The following TACR1 variants were observed in gnomAD, a reference collection of about 807,000 sequenced individuals.
TACR1 encodes the protein substance-P receptor.
Under a neutral mutation model 35.8 loss-of-function variants are expected in TACR1, and 25 were observed. That is an observed-to-expected ratio of 0.70 (90% CI 0.51 to 0.98). TACR1 has a LOEUF of 0.98. Among genes scored for constraint, TACR1 ranks in the 50% least tolerant of loss-of-function variants. The probability of loss-of-function intolerance (pLI) is 0.00; values close to 1 mark genes in which losing one functional copy is unlikely to be tolerated. For synonymous variants in TACR1, 195 were observed against 206.7 expected, an observed-to-expected ratio of 0.94 and a Z score of 0.48; for missense variants, 478 against 522.9, an observed-to-expected ratio of 0.91 and a Z score of 0.84.
At chr2:75,182,582 G>A (rs978132233) in intron 1 of TACR1, among the ~76,000 whole-genome samples, 1 of 152,186 alleles carries the variant, frequency 6.6e-6, no homozygotes, top group Non-Finnish European at 1.5e-5. Context: ...GATTGTTATT[G>A]CCTAGTGATG....
intron 1 of TACR1, among the ~76,000 whole-genome samples, chr2:75,175,132 G>T (rs1268298145): frequency 6.6e-6 from 1 of 152,172 alleles, no homozygotes; most frequent in Non-Finnish European, 1.5e-5. Flanking sequence ...CTTCTAGATG[G>T]TGAGTACTTC....
chr2:75,158,835 T>G (rs1260337102), intron 1 of TACR1, among the ~76,000 whole-genome samples: 2 of 152,186 alleles, frequency 1.3e-5, no homozygotes, highest in African/African-American at 4.8e-5. Context: ...TGTTCCGAAC[T>G]CAAACGGTCC....
At chr2:75,096,956 A>G (rs554776152) in intron 2 of TACR1, among the ~76,000 whole-genome samples, 39 of 152,320 alleles carry the variant, frequency 2.6e-4, no homozygotes, top group South Asian at 6.2e-4. Flanking sequence ...GTCAACCCCT[A>G]TCTCTCTTGT....
intron 1 of TACR1, among the ~76,000 whole-genome samples, chr2:75,145,343 C>G (rs899665501): frequency 1.8e-4 from 27 of 151,816 alleles, no homozygotes; most frequent in Admixed American, 7.9e-4. Context: ...TGGTAATGAC[C>G]ATTATTATTA....
intron 1 of TACR1, among the ~76,000 whole-genome samples, chr2:75,175,675 T>C (rs1224176636): frequency 1.3e-5 from 2 of 152,280 alleles, no homozygotes; most frequent in East Asian, 3.9e-4. Flanking sequence ...ACTGCGAGGC[T>C]GCTTGTGATT....
intron 1 of TACR1, among the ~76,000 whole-genome samples, chr2:75,177,077 C>T (rs1675437630): frequency 1.3e-5 from 2 of 152,134 alleles, no homozygotes; most frequent in South Asian, 4.2e-4. Context: ...CCACAGTCCA[C>T]CCACCACAGA....
intron 1 of TACR1, among the ~76,000 whole-genome samples, chr2:75,173,297 A>G (rs1453670944): frequency 6.6e-6 from 1 of 152,174 alleles, no homozygotes; most frequent in Non-Finnish European, 1.5e-5. Flanking sequence ...AATTTTTTCT[A>G]CTTTGCTGAG....
In TACR1 at chr2:75,049,331, T is replaced by G; in HGVS notation, c.*101A>C. 2 of 1,321,452 alleles carry G rather than the reference T, an allele frequency of 1.5e-6. No homozygotes were observed. Among genetic ancestry groups the G allele is most frequent in the Admixed American group, 2.2e-5 (1 of 46,028 alleles). The allele number at this position is 1,321,452 out of a possible 1,614,324, so 81.9% of individuals were successfully genotyped here. A position where few individuals can be genotyped will look rare whatever the true frequency, so the allele number is the denominator to read the frequency against. ...TACTGACCCTTTTTGCAAGTCCCAG[T>G]GTGAGGGTGTTTCTGATGGTTCCAG... is the stretch of plus-strand genomic sequence containing the variant. On this transcript the variant is annotated 3_prime_UTR_variant, in exon 5 of 5. Coordinates refer to ENST00000305249, the MANE Select transcript of TACR1 (RefSeq NM_001058.4).
chr2:75,061,005 G>C (rs1175706651), intron 2 of TACR1, among the ~76,000 whole-genome samples: 1 of 152,154 alleles, frequency 6.6e-6, no homozygotes, highest in Non-Finnish European at 1.5e-5. Context: ...GGCAAAGTTG[G>C]TAGATTGCCT....
At chr2:75,164,835 G>T (rs528858597) in intron 1 of TACR1, among the ~76,000 whole-genome samples, 2 of 152,180 alleles carry the variant, frequency 1.3e-5, no homozygotes, top group Non-Finnish European at 2.9e-5. Context: ...TGCAGAGGTT[G>T]CTAACAATGC....
intron 1 of TACR1, among the ~76,000 whole-genome samples, chr2:75,158,734 C>G (rs1451410150): frequency 6.6e-6 from 1 of 152,142 alleles, no homozygotes; most frequent in Non-Finnish European, 1.5e-5. Flanking sequence ...TCAATATGCC[C>G]AGCATCGCAA....
At chr2:75,068,817 A>G (rs921947380) in intron 2 of TACR1, among the ~76,000 whole-genome samples, 2 of 152,228 alleles carry the variant, frequency 1.3e-5, no homozygotes, top group Admixed American at 1.3e-4. Flanking sequence ...AACTGGCCCA[A>G]GAATTCTCCA....
intron 2 of TACR1, among the ~76,000 whole-genome samples, chr2:75,108,790 A>C (rs1171655676): frequency 6.6e-6 from 1 of 152,186 alleles, no homozygotes; most frequent in Non-Finnish European, 1.5e-5. Context: ...AGCTCACAAA[A>C]CTAAATTACT....
rs1438745823 is a variant in TACR1, at chr2:75,048,604, A to G, written c.*828T>C. On this transcript the variant is annotated 3_prime_UTR_variant, in exon 5 of 5. Coordinates refer to ENST00000305249, the MANE Select transcript of TACR1 (RefSeq NM_001058.4). ...TTTGTTTTTTTTTGTAAAACAAACA[A>G]AAAACTCATACAATCCTTGAACCAC... The G allele has an allele frequency of 4.6e-5, 7 of 152,218 alleles. No individual in the cohort carries two copies. The allele number at this position is 152,218 out of a possible 1,614,324, so 9.4% of individuals were successfully genotyped here.
intron 2 of TACR1, among the ~76,000 whole-genome samples, chr2:75,113,280 G>A (rs1302074733): frequency 6.6e-6 from 1 of 152,246 alleles, no homozygotes; most frequent in Non-Finnish European, 1.5e-5. Context: ...AGCTGCCTCC[G>A]GAAGTTGATG....
At chr2:75,144,752 T>TAAAAAA (rs1378600888) in intron 1 of TACR1, among the ~76,000 whole-genome samples, 1 of 152,220 alleles carries the variant, frequency 6.6e-6, no homozygotes, top group Non-Finnish European at 1.5e-5. Flanking sequence ...AAAAATTAAA[T>TAAAAAA]GTGAATTTAT....
At chr2:75,081,395 C>G (rs1489111018) in intron 2 of TACR1, among the ~76,000 whole-genome samples, 1 of 152,140 alleles carries the variant, frequency 6.6e-6, no homozygotes, top group Non-Finnish European at 1.5e-5. Context: ...AACCCTCTAC[C>G]CTCATTATGC....
intron 1 of TACR1, among the ~76,000 whole-genome samples, chr2:75,166,448 A>G (rs1675144895): frequency 1.3e-5 from 2 of 152,248 alleles, no homozygotes; most frequent in African/African-American, 4.8e-5. Flanking sequence ...ATAAAATAGT[A>G]TAATCAACTG....
At chr2:75,107,221 T>C (rs1346060425) in intron 2 of TACR1, among the ~76,000 whole-genome samples, 2 of 151,944 alleles carry the variant, frequency 1.3e-5, no homozygotes, top group Non-Finnish European at 2.9e-5. Context: ...CTTCAGCACA[T>C]GTAAGGCAAA....
Sources: gnomAD v4.1 joint callset for allele counts (sites outside exome capture counted in the v4.1 genomes callset) on GRCh38, gnomAD v4.1.1 for gene constraint, MANE v1.5 for transcripts, NCBI Gene and HGNC (gene_info 2026-07-23, HGNC 2026-07-21) for gene names.